FRMD4A: variants seen among roughly 807,000 people sequenced by gnomAD.
FRMD4A encodes the protein FERM domain containing 4A.
In FRMD4A, 29 loss-of-function variants were observed where a neutral mutation model predicts 129.1. That is an observed-to-expected ratio of 0.22 (90% CI 0.17 to 0.31). The LOEUF is 0.31. Among genes scored for constraint, FRMD4A ranks in the 10% least tolerant of loss-of-function variants. FRMD4A has a pLI of 1.00. For synonymous variants in FRMD4A, 634 were observed against 571.6 expected, an observed-to-expected ratio of 1.11 and a Z score of -1.56; for missense variants, 1,272 against 1,375.8, an observed-to-expected ratio of 0.92 and a Z score of 1.19.
chr10:14,079,761 G>T lies in FRMD4A; in HGVS notation c.46-220849C>A, dbSNP rs1200677749. On this transcript the variant is annotated intron_variant, in intron 2 of 24. Coordinates refer to ENST00000357447, the MANE Select transcript of FRMD4A (RefSeq NM_018027.5). Reference sequence around the variant, plus strand: ...TGGGACCAGGCTGAGACTCAGAACTGGGTGTTCTTGCTTTTTCACATTTGC... The same window carrying T: ...TGGGACCAGGCTGAGACTCAGAACTTGGTGTTCTTGCTTTTTCACATTTGC... Among the ~76,000 whole-genome samples the T allele has an allele frequency of 2.0e-5, 3 of 152,192 alleles. No individual in the cohort carries two copies. The East Asian group carries it at 5.8e-4, about 29-fold the overall frequency.
intron 2 of FRMD4A, among the ~76,000 whole-genome samples, chr10:14,193,457 T>C (rs1436569908): frequency 2.1e-5 from 3 of 142,370 alleles, no homozygotes; most frequent in African/African-American, 8.6e-5. Context: ...CATACATACA[T>C]ACACCCACCC....
chr10:13,836,994 T>G (rs1466653453), intron 3 of FRMD4A, among the ~76,000 whole-genome samples: 2 of 152,110 alleles, frequency 1.3e-5, no homozygotes, highest in South Asian at 4.2e-4. Flanking sequence ...CCTGACCTCA[T>G]GATCTGCCTG....
At chr10:14,175,320 A>T (rs7076505) in intron 2 of FRMD4A, among the ~76,000 whole-genome samples, 1 of 152,072 alleles carries the variant, frequency 6.6e-6, no homozygotes, top group African/African-American at 2.4e-5. Flanking sequence ...GACATCCCCA[A>T]GATAGGGCGA....
chr10:13,773,818 G>A (rs1218805607), intron 6 of FRMD4A, among the ~76,000 whole-genome samples: 1 of 152,228 alleles, frequency 6.6e-6, no homozygotes, highest in African/African-American at 2.4e-5. Flanking sequence ...TGTCTCATGG[G>A]ACAAGTCCGC....
At chr10:14,036,800 G>T (rs1428600000) in intron 2 of FRMD4A, among the ~76,000 whole-genome samples, 1 of 152,044 alleles carries the variant, frequency 6.6e-6, no homozygotes, top group Non-Finnish European at 1.5e-5. Context: ...TGGCCAGACT[G>T]GTCTCGAACT....
At chr10:14,102,354 C>G (rs753991470) in intron 2 of FRMD4A, among the ~76,000 whole-genome samples, 6 of 152,182 alleles carry the variant, frequency 3.9e-5, no homozygotes, top group Non-Finnish European at 7.3e-5. Flanking sequence ...TAGTGAAACC[C>G]CATCTCTACT....
At chr10:13,815,722 A>C (rs1272767670) in intron 3 of FRMD4A, among the ~76,000 whole-genome samples, 1 of 152,246 alleles carries the variant, frequency 6.6e-6, no homozygotes, top group Non-Finnish European at 1.5e-5. Flanking sequence ...TGAGGGCTAC[A>C]TGACTCACTT....
At chr10:13,680,221 C>T (rs916549189) in intron 15 of FRMD4A, among the ~76,000 whole-genome samples, 5 of 152,092 alleles carry the variant, frequency 3.3e-5, no homozygotes, top group African/African-American at 1.2e-4. Flanking sequence ...CTTTGGGAGG[C>T]CAAGGAGGGA....
intron 2 of FRMD4A, among the ~76,000 whole-genome samples, chr10:14,093,945 G>T (rs1371135380): frequency 6.6e-6 from 1 of 152,214 alleles, no homozygotes; most frequent in East Asian, 1.9e-4. Context: ...CTGGGAAGAA[G>T]ATGCTTTTTT....
chr10:13,859,642 T>A (rs2094265680), intron 2 of FRMD4A, among the ~76,000 whole-genome samples: 2 of 152,178 alleles, frequency 1.3e-5, no homozygotes, highest in African/African-American at 4.8e-5. Flanking sequence ...AATCTCTGTC[T>A]CCTCTTCATT....
intron 2 of FRMD4A, among the ~76,000 whole-genome samples, chr10:14,159,916 G>C (rs1426610150): frequency 6.6e-6 from 1 of 152,104 alleles, no homozygotes; most frequent in African/African-American, 2.4e-5. Context: ...CAGGCGTGGT[G>C]GTGGGCGCCT....
At chr10:13,984,149 C>T (rs533688733) in intron 2 of FRMD4A, among the ~76,000 whole-genome samples, 1 of 152,168 alleles carries the variant, frequency 6.6e-6, no homozygotes, top group East Asian at 1.9e-4. Flanking sequence ...GCAGGGGGCA[C>T]GCCAGCTCCT....
At position 13,659,511 on chromosome 10, in the gene FRMD4A, C is replaced by A. The variant is rs373948890; in HGVS notation, c.1899-21G>T. 9 of 1,604,944 alleles carry A rather than the reference C, an allele frequency of 5.6e-6. No individual in the cohort carries two copies. The South Asian group carries it at 8.8e-5, about 16-fold the overall frequency. ...GGCTGCTGCAAAGCCAAGGATGCCA[C>A]GTGGTCACCGCCAGACAGACAGCAC... On this transcript the variant is annotated intron_variant, in intron 20 of 24. Coordinates refer to ENST00000357447, the MANE Select transcript of FRMD4A (RefSeq NM_018027.5).
In FRMD4A at chr10:13,810,784, CGGGCTGTGA is replaced by C. The variant is rs1340527333; in HGVS notation, c.206+21_206+29del. Reference sequence around the variant, plus strand: ...TCGGGTTCTGCACTGACTCTCCCTTCGGGCTGTGAGGGCTCAAGGCAGTACTTACGTTTC... The same window carrying C: ...TCGGGTTCTGCACTGACTCTCCCTTCGGGCTCAAGGCAGTACTTACGTTTC... On this transcript the variant is annotated intron_variant, in intron 4 of 24. Transcript: ENST00000357447. The C allele has an allele frequency of 1.1e-4, 127 of 1,192,664 alleles. 2 individuals carry two copies. The East Asian group carries it at 3.0e-3, about 28-fold the overall frequency. 73.9% of individuals were successfully genotyped at this position (1,192,664 alleles called of 1,614,324 possible).
Position 14,069,490 on chromosome 10 carries a change from A to C in FRMD4A, c.46-210578T>G, listed in dbSNP as rs139919589. Among the ~76,000 whole-genome samples, 919 of 152,314 alleles carry C rather than the reference A, an allele frequency of 6.0e-3. 13 individuals are homozygous for C. Among genetic ancestry groups the C allele is most frequent in the Middle Eastern group, 0.031 (9 of 294 alleles). On this transcript the variant is annotated intron_variant, in intron 2 of 24. Coordinates refer to ENST00000357447, the MANE Select transcript of FRMD4A (RefSeq NM_018027.5). ...CTGTGTGCCTTGGGGCCTCAAAAAT[A>C]GCTGTTCCCAAACACTGCTCTGGGG...
chr10:14,223,419 C>A (rs1843327275), intron 2 of FRMD4A, among the ~76,000 whole-genome samples: 1 of 152,258 alleles, frequency 6.6e-6, no homozygotes, highest in Non-Finnish European at 1.5e-5. Context: ...GGCTCCCCTG[C>A]ATTTTCTTTG....
intron 2 of FRMD4A, among the ~76,000 whole-genome samples, chr10:13,884,182 A>T (rs78503354): frequency 0.053 from 2,994 of 56,314 alleles, 169 homozygotes; most frequent in African/African-American, 0.17. Context: ...ACACTCACAC[A>T]CACACACACA....
chr10:13,776,854 G>T lies in FRMD4A; in HGVS notation c.384+6068C>A, dbSNP rs182090068. Among the ~76,000 whole-genome samples the T allele has an allele frequency of 1.6e-4, 25 of 152,264 alleles. 1 individual carries two copies. In the East Asian group the frequency reaches 4.4e-3, roughly 27 times the overall value. Reference sequence around the variant, plus strand: ...AACACTACCCTCTGGGCTCTTCAAGGTCCCCAAAGCACCAGGGGGCTGTGT... The same window carrying T: ...AACACTACCCTCTGGGCTCTTCAAGTTCCCCAAAGCACCAGGGGGCTGTGT... On this transcript the variant is annotated intron_variant, in intron 6 of 24. Coordinates refer to ENST00000357447, the MANE Select transcript of FRMD4A (RefSeq NM_018027.5).
At chr10:13,860,668 G>GTCCT (rs986341847) in intron 2 of FRMD4A, among the ~76,000 whole-genome samples, 6 of 152,154 alleles carry the variant, frequency 3.9e-5, no homozygotes, top group Admixed American at 1.3e-4. Flanking sequence ...AGCCATGAGG[G>GTCCT]TCCTTCTCAT....
Sources: allele counts gnomAD v4.1 joint callset (sites outside exome capture counted in the v4.1 genomes callset), GRCh38; gene constraint gnomAD v4.1.1; transcripts MANE v1.5; gene names NCBI Gene and HGNC (gene_info 2026-07-23, HGNC 2026-07-21).